Variants in LPCAT2 observed in about 807,000 individuals in gnomAD.
LPCAT2 encodes lysophosphatidylcholine acyltransferase 2.
LPCAT2 carries 58 observed loss-of-function variants against 64.7 expected under a neutral mutation model. The observed-to-expected ratio is 0.90, with a 90% CI of 0.73 to 1.12. LPCAT2 has a LOEUF of 1.12. Ranked by LOEUF, LPCAT2 falls within the 50% of genes most tolerant of loss-of-function variation. The probability of loss-of-function intolerance (pLI) is 0.00; values close to 1 mark genes in which losing one functional copy is unlikely to be tolerated. For synonymous variants in LPCAT2, 252 were observed against 245.3 expected, an observed-to-expected ratio of 1.03 and a Z score of -0.26; for missense variants, 579 against 669.8, an observed-to-expected ratio of 0.86 and a Z score of 1.50.
chr16:55,519,723 G>T lies in LPCAT2; in HGVS notation c.172-5785G>T, dbSNP rs149052915. ...TAATACAAAAATTATTATTTTCTTG[G>T]GTTTACATATATGTAGGGGTAAAAC... On this transcript the variant is annotated intron_variant, in intron 1 of 13. Coordinates refer to ENST00000262134, the MANE Select transcript of LPCAT2 (RefSeq NM_017839.5). 4.5e-3 allele frequency among the ~76,000 whole-genome samples: 685 copies of T among 152,146 alleles called. 4 individuals carry two copies. Among genetic ancestry groups the T allele is most frequent in the African/African-American group, 0.016 (651 of 41,508 alleles).
intron 4 of LPCAT2, among the ~76,000 whole-genome samples, chr16:55,530,492 T>TGGG (rs57443448): frequency 7.0e-6 from 1 of 142,186 alleles, no homozygotes; most frequent in East Asian, 2.0e-4. Flanking sequence ...AATGCGGGGG[T>TGGG]GGGGGGGGGG....
rs893802299 is a variant in LPCAT2 at position 55,583,176 on chromosome 16, G to A, written c.*78G>A. The A allele has an allele frequency of 1.9e-6, 2 of 1,078,856 alleles. No individual in the cohort carries two copies. Among genetic ancestry groups the A allele is most frequent in the Non-Finnish European group, 2.6e-6 (2 of 756,400 alleles). The allele number at this position is 1,078,856 out of a possible 1,614,324, so 66.8% of individuals were successfully genotyped here. A position where few individuals can be genotyped will look rare whatever the true frequency, so the allele number is the denominator to read the frequency against. On this transcript the variant is annotated 3_prime_UTR_variant, in exon 14 of 14. Transcript: ENST00000262134. The stretch of plus-strand genomic sequence containing the variant: ...GGCACTTATTGATAATACTTTTAAT[G>A]TGTTGGTAATGATGTTTAAAATTGA...
chr16:55,582,727 A>G (rs1233630321), intron 13 of LPCAT2, among the ~76,000 whole-genome samples, 187 bp from the exon 14 acceptor site: 1 of 152,194 alleles, frequency 6.6e-6, no homozygotes, highest in African/African-American at 2.4e-5. Flanking sequence ...GTATATCTTC[A>G]ACTTGACTAG....
Position 55,511,311 on chromosome 16 carries a change from G to C in LPCAT2, c.171+1959G>C, listed in dbSNP as rs563108526. The stretch of plus-strand genomic sequence containing the variant: ...ATACTTTTTAAATTTATATAGATCA[G>C]AGATACAAGAGGTTTCAGTGGCTTG... On this transcript the variant is annotated intron_variant, in intron 1 of 13. Transcript: ENST00000262134. Among the ~76,000 whole-genome samples the C allele has an allele frequency of 1.1e-4, 17 of 152,260 alleles. No individual in the cohort carries two copies. In the South Asian group the frequency reaches 3.3e-3, roughly 30 times the overall value.
At chr16:55,582,183 A>G (rs1197591810) in intron 13 of LPCAT2, among the ~76,000 whole-genome samples, 1 of 152,218 alleles carries the variant, frequency 6.6e-6, no homozygotes, top group East Asian at 1.9e-4. Context: ...ACACCCATGT[A>G]ACTACCATTC....
chr16:55,574,734 T>C lies in LPCAT2; in HGVS notation c.1314+5T>C. ...ATCATCCAGGTGGCATTTAAGGTAC[T>C]GTCAGCCCCATTGAAAGCATCTTGG... On this transcript the variant is annotated splice_donor_5th_base_variant and intron_variant, in intron 12 of 13. Coordinates refer to ENST00000262134, the MANE Select transcript of LPCAT2 (RefSeq NM_017839.5). 6.2e-7 allele frequency: 1 copy of C among 1,610,152 alleles called. No individual in the cohort carries two copies. Among genetic ancestry groups the C allele is most frequent in the Non-Finnish European group, 8.5e-7 (1 of 1,176,578 alleles).
In LPCAT2 at chr16:55,509,132, T is replaced by C. The variant is rs1371870386; in HGVS notation, c.-50T>C. The stretch of plus-strand genomic sequence containing the variant: ...AGTAGGTCTTCGGCTCAGTTTTGGC[T>C]GCAGCGCCCGCGTAGATCGCTTCGG... On this transcript the variant is annotated 5_prime_UTR_variant, in exon 1 of 14. Transcript: ENST00000262134. The C allele has an allele frequency of 3.1e-6, 4 of 1,298,040 alleles. No individual in the cohort carries two copies. The highest frequency in any genetic ancestry group is 3.9e-6 in the Non-Finnish European group (4 of 1,018,412). The allele number at this position is 1,298,040 out of a possible 1,614,324, so 80.4% of individuals were successfully genotyped here.
At position 55,574,634 on chromosome 16, in the gene LPCAT2, C is replaced by G. The variant is rs748693528; in HGVS notation, c.1219C>G (p.His407Asp). The G allele has an allele frequency of 3.7e-6, 6 of 1,610,136 alleles. No individual in the cohort carries two copies. The East Asian group carries it at 1.1e-4, about 30-fold the overall frequency. Residue 407 changes from histidine (H) to aspartate (D), a missense_variant, in exon 12 of 14, where the codon CAT (histidine) becomes GAT (aspartate). His to Asp is a moderately conservative substitution (Grantham distance 81). Transcript: ENST00000262134. The part of the protein sequence containing the change: ...RQLFALFDRN[H>D]DGSIDFREYV... ...GATTTATCCCATCCTTTCACAGAAC[C>G]ATGATGGCAGCATTGACTTCCGAGA...
chr16:55,533,496 C>T (rs1036453174), intron 6 of LPCAT2, among the ~76,000 whole-genome samples: 8 of 148,570 alleles, frequency 5.4e-5, no homozygotes, highest in East Asian at 4.0e-4. Context: ...CTACAACCTC[C>T]GCTTCCTGGG....
At chr16:55,546,111 C>T (rs749824323) in intron 9 of LPCAT2, among the ~76,000 whole-genome samples, 23 of 151,926 alleles carry the variant, frequency 1.5e-4, no homozygotes, top group African/African-American at 1.9e-4. Context: ...TAAGCTGGCC[C>T]GCCACTGTCA....
At chr16:55,532,283 A>G (rs1338620213) in intron 5 of LPCAT2, 1 of 222,996 alleles carries the variant, frequency 4.5e-6, no homozygotes, top group African/African-American at 2.3e-5. Context: ...TCTCATTATC[A>G]TTATAATGTC....
chr16:55,555,290 TA>T (rs1338249630), intron 11 of LPCAT2, among the ~76,000 whole-genome samples: 1 of 152,246 alleles, frequency 6.6e-6, no homozygotes, highest in Non-Finnish European at 1.5e-5. Context: ...AACAGTTTAA[TA>T]ATGTCTTACT....
Position 55,534,472 on chromosome 16 carries a change from T to A in LPCAT2, c.792T>A (p.Tyr264Ter). The A allele has an allele frequency of 6.7e-7, 1 of 1,496,156 alleles. No homozygotes were observed. The highest frequency in any genetic ancestry group is 2.4e-5 in the East Asian group (1 of 42,248). The allele number at this position is 1,496,156 out of a possible 1,614,324, so 92.7% of individuals were successfully genotyped here. A position where few individuals can be genotyped will look rare whatever the true frequency, so the allele number is the denominator to read the frequency against. ...LDTVTWTWQG[Y>*]TFIQLCMLTF... ...CTGTGACCTGGACATGGCAAGGATA[T>A]ACATTGTAAGTCACTTATGTCTATT... is the stretch of plus-strand genomic sequence containing the variant. Residue 264 changes from tyrosine (Y) to a stop codon, truncating the protein, a stop_gained, in exon 7 of 14, where the codon TAT becomes TAA. Transcript: ENST00000262134. LOFTEE classifies it high-confidence loss of function.
rs140060571 is a variant in LPCAT2 at position 55,562,959 on chromosome 16, T to C, written c.1216-11672T>C. On this transcript the variant is annotated intron_variant, in intron 11 of 13. Coordinates refer to ENST00000262134, the MANE Select transcript of LPCAT2 (RefSeq NM_017839.5). ...CCTGTTACAGACTGACTTCTGAAGATGCTTATTAAAAATATAAAATCAAAT... is the reference window on the plus strand; with the variant it reads ...CCTGTTACAGACTGACTTCTGAAGACGCTTATTAAAAATATAAAATCAAAT... Among the ~76,000 whole-genome samples the C allele has an allele frequency of 2.2e-3, 332 of 151,964 alleles. 4 individuals are homozygous for C. The highest frequency in any genetic ancestry group is 7.7e-3 in the African/African-American group (320 of 41,518).
intron 11 of LPCAT2, among the ~76,000 whole-genome samples, chr16:55,572,822 G>A (rs1963785799): frequency 6.6e-6 from 1 of 152,068 alleles, no homozygotes; most frequent in South Asian, 2.1e-4. Flanking sequence ...AAGAGAGTAA[G>A]AGCATATCTT....
chr16:55,522,721 G>A (rs1963114759), intron 1 of LPCAT2, among the ~76,000 whole-genome samples: 1 of 151,612 alleles, frequency 6.6e-6, no homozygotes, highest in Admixed American at 6.6e-5. Flanking sequence ...ATTGAGAAAT[G>A]TCAAGTCTTT....
intron 11 of LPCAT2, among the ~76,000 whole-genome samples, chr16:55,572,530 T>A (rs1277453257): frequency 6.6e-6 from 1 of 152,108 alleles, no homozygotes; most frequent in African/African-American, 2.4e-5. Context: ...CCCTCCAGAG[T>A]GCATTAGAAA....
chr16:55,551,903 A>AT (rs1350621836), intron 11 of LPCAT2, among the ~76,000 whole-genome samples: 2 of 152,150 alleles, frequency 1.3e-5, no homozygotes, highest in African/African-American at 4.8e-5. Context: ...AGCCAAGATC[A>AT]TGCCACTGCA....
At chr16:55,570,193 T>C (rs1269009501) in intron 11 of LPCAT2, among the ~76,000 whole-genome samples, 1 of 152,216 alleles carries the variant, frequency 6.6e-6, no homozygotes, top group Non-Finnish European at 1.5e-5. Context: ...AATCATGTGC[T>C]CTGTAACTAT....
Sources: allele counts gnomAD v4.1 joint callset (sites outside exome capture counted in the v4.1 genomes callset), GRCh38; gene constraint gnomAD v4.1.1; transcripts MANE v1.5; gene names NCBI Gene and HGNC (gene_info 2026-07-23, HGNC 2026-07-21).